Variants in FHAD1 observed in about 807,000 individuals in gnomAD.
The protein encoded by FHAD1 is forkhead associated phosphopeptide binding domain 1.
In FHAD1, 146 loss-of-function variants were observed where a neutral mutation model predicts 191.3. That is an observed-to-expected ratio of 0.76 (90% CI 0.67 to 0.88). The LOEUF (loss-of-function observed/expected upper bound fraction) is 0.88. Ranked by LOEUF, FHAD1 falls within the 40% of genes least tolerant of loss-of-function variation. The probability of loss-of-function intolerance (pLI) is 0.00; values close to 1 mark genes in which losing one functional copy is unlikely to be tolerated. For synonymous variants in FHAD1, 616 were observed against 672.3 expected, an observed-to-expected ratio of 0.92 and a Z score of 1.29; for missense variants, 1,635 against 1,785.8, an observed-to-expected ratio of 0.92 and a Z score of 1.52.
chr1:15,339,592 C>T (rs1239683419), intron 15 of FHAD1, 41 bp downstream of exon 15: 4 of 1,090,350 alleles, frequency 3.7e-6, no homozygotes, highest in Admixed American at 2.7e-5. Flanking sequence ...TTCATTTCGG[C>T]CCCTGGTTGG....
intron 3 of FHAD1, among the ~76,000 whole-genome samples, chr1:15,280,890 G>C (rs1465981403): frequency 6.6e-6 from 1 of 152,222 alleles, no homozygotes; most frequent in African/African-American, 2.4e-5. Flanking sequence ...AGATGGGCCA[G>C]AATGCACTTA....
intron 28 of FHAD1, among the ~76,000 whole-genome samples, chr1:15,379,854 G>T (rs1424921626): frequency 6.6e-6 from 1 of 152,182 alleles, no homozygotes; most frequent in Admixed American, 6.5e-5. Context: ...GGGGTTGGGG[G>T]TAAGGTCACA....
intron 5 of FHAD1, among the ~76,000 whole-genome samples, chr1:15,299,646 A>C (rs1333218697): frequency 2.0e-5 from 3 of 152,214 alleles, no homozygotes; most frequent in Non-Finnish European, 4.4e-5. Context: ...AGGAAGTCAC[A>C]GGGTCCCCAC....
intron 6 of FHAD1, chr1:15,305,628 G>A: frequency 4.4e-6 from 1 of 228,764 alleles, no homozygotes. Flanking sequence ...GGACCCAGCA[G>A]GAGGTAATTG....
intron 10 of FHAD1, among the ~76,000 whole-genome samples, chr1:15,322,979 AGGG>A (rs1306661803): frequency 1.3e-5 from 2 of 152,306 alleles, no homozygotes; most frequent in South Asian, 4.1e-4. Context: ...GGCGGTGGCA[AGGG>A]AAAAATAAGG....
chr1:15,393,649 C>A (rs1225155800), intron 33 of FHAD1, among the ~76,000 whole-genome samples: 1 of 151,072 alleles, frequency 6.6e-6, no homozygotes, highest in Non-Finnish European at 1.5e-5. Flanking sequence ...GTGGTCCAGG[C>A]TGTAGTGCAG....
rs1402295073 is a variant in FHAD1 at position 15,397,457 on chromosome 1, C to T, written c.*44C>T. 2.1e-6 allele frequency: 2 copies of T among 942,506 alleles called. No homozygotes were observed. Among genetic ancestry groups the T allele is most frequent in the Non-Finnish European group, 1.6e-6 (1 of 634,926 alleles). The allele number at this position is 942,506 out of a possible 1,614,324, so 58.4% of individuals were successfully genotyped here. ...GGCCTCATGTGATCCTCTGTGAGTT[C>T]ATGTGACTCTTCTGTGTCATCTGTG... On this transcript the variant is annotated 3_prime_UTR_variant, in exon 34 of 34. Coordinates refer to ENST00000688493, the MANE Select transcript of FHAD1 (RefSeq NM_001391957.1).
At chr1:15,273,571 A>C (rs1298308643) in intron 3 of FHAD1, among the ~76,000 whole-genome samples, 2 of 152,152 alleles carry the variant, frequency 1.3e-5, no homozygotes, top group East Asian at 3.8e-4. Context: ...TTAAGCGTAC[A>C]ATTCAACACA....
chr1:15,398,291 A>AAAT lies in FHAD1; in HGVS notation c.*880_*881insTAA, dbSNP rs1444198881. Among the ~76,000 whole-genome samples the AAAT allele has an allele frequency of 9.9e-4, 150 of 152,024 alleles. No individual in the cohort carries two copies. The highest frequency in any genetic ancestry group is 3.4e-3 in the African/African-American group (142 of 41,442). ...GACTCCATCTCAAAAAAAAAAAAAA[A>AAAT]AAATCTGTTTATTGTAATAAATTTA... On this transcript the variant is annotated 3_prime_UTR_variant, in exon 34 of 34. Transcript: ENST00000688493.
At chr1:15,294,750 C>T (rs1666358564) in intron 4 of FHAD1, among the ~76,000 whole-genome samples, 1 of 152,108 alleles carries the variant, frequency 6.6e-6, no homozygotes, top group Non-Finnish European at 1.5e-5. Context: ...ACTCGATGCT[C>T]TCAGCAGTTC....
intron 26 of FHAD1, among the ~76,000 whole-genome samples, chr1:15,370,825 C>A (rs1570364327): frequency 6.6e-6 from 1 of 152,176 alleles, no homozygotes; most frequent in East Asian, 1.9e-4. Flanking sequence ...GCTTTTTGAG[C>A]CTAGAGAGCA....
chr1:15,239,552 C>T (rs1482712462), intron 1 of FHAD1, among the ~76,000 whole-genome samples: 2 of 152,186 alleles, frequency 1.3e-5, no homozygotes, highest in African/African-American at 2.4e-5. Flanking sequence ...TGTGCCACTG[C>T]ACTTCAGCCT....
intron 21 of FHAD1, among the ~76,000 whole-genome samples, chr1:15,358,737 G>T (rs1419241445): frequency 1.3e-5 from 2 of 151,666 alleles, no homozygotes; most frequent in African/African-American, 4.9e-5. Flanking sequence ...TGTAGGCTCG[G>T]CATTCGAGGC....
Position 15,308,650 on chromosome 1 carries a change from G to GC in FHAD1, c.955dup (p.Gln319ProfsTer16), listed in dbSNP as rs1198232951. 2 of 1,551,632 alleles carry GC rather than the reference G, an allele frequency of 1.3e-6. No homozygotes were observed. Among genetic ancestry groups the GC allele is most frequent in the African/African-American group, 2.7e-5 (2 of 73,062 alleles). On this transcript the variant is annotated frameshift_variant, in exon 7 of 34. Coordinates refer to ENST00000688493, the MANE Select transcript of FHAD1 (RefSeq NM_001391957.1). LOFTEE classifies it high-confidence loss of function. ...CAGAAAGGCTACAGCAAGGTGCTGT[G>GC]CCAGACCCTGTCAGAGCGGAACTCA...
rs567421403 is a variant in FHAD1, at chr1:15,318,371, C to T, written c.1365+443C>T. Among the ~76,000 whole-genome samples, 7 of 152,218 alleles carry T rather than the reference C, an allele frequency of 4.6e-5. No individual in the cohort carries two copies. The highest frequency in any genetic ancestry group is 1.0e-4 in the Non-Finnish European group (7 of 68,032). ...CATTTAAATTAAAGCCGGTAGCTCA[C>T]GCCTGTAATCCCAGCATTTTGGGAG... On this transcript the variant is annotated intron_variant, in intron 10 of 33. Coordinates refer to ENST00000688493, the MANE Select transcript of FHAD1 (RefSeq NM_001391957.1). The surrounding 1 kb of genome is among the most constrained non-coding windows in gnomAD (Gnocchi z 4.1).
intron 3 of FHAD1, among the ~76,000 whole-genome samples, chr1:15,278,083 G>A (rs78692683): frequency 0.038 from 5,730 of 152,140 alleles, 289 homozygotes; most frequent in African/African-American, 0.11. Context: ...ACCAGAGGTC[G>A]GCAGACTACA....
chr1:15,367,633 CG>C lies in FHAD1; in HGVS notation c.3314+16del. On this transcript the variant is annotated intron_variant, in intron 25 of 33. Coordinates refer to ENST00000688493, the MANE Select transcript of FHAD1 (RefSeq NM_001391957.1). ...TGAGGAGGCACTCAGGTTGGGTGGG[CG>C]GGGGCCGGGTTGGGGGGATGGTTTG... is the stretch of plus-strand genomic sequence containing the variant. The C allele has an allele frequency of 3.7e-5, 5 of 136,438 alleles. No individual in the cohort carries two copies. The highest frequency in any genetic ancestry group is 1.3e-5 in the Non-Finnish European group (1 of 78,732). 8.5% of individuals were successfully genotyped at this position (136,438 alleles called of 1,614,324 possible). A position where few individuals can be genotyped will look rare whatever the true frequency, so the allele number is the denominator to read the frequency against.
At chr1:15,247,193 A>G (rs1780596), upstream of FHAD1, 47,811 of 145,834 alleles carry the variant, frequency 0.33, 8,292 homozygotes, top group Non-Finnish European at 0.44. Context: ...GCCCTCATCT[A>G]TTAGGCTGGA....
At chr1:15,250,385 G>A (rs780145756) in intron 1 of FHAD1, among the ~76,000 whole-genome samples, 1 of 152,188 alleles carries the variant, frequency 6.6e-6, no homozygotes, top group African/African-American at 2.4e-5. Context: ...ATGGACACAC[G>A]GATAGATGGA....
Sources: allele counts gnomAD v4.1 joint callset (sites outside exome capture counted in the v4.1 genomes callset), GRCh38; gene constraint gnomAD v4.1.1; non-coding constraint Gnocchi (gnomAD v3.1); transcripts MANE v1.5; gene names NCBI Gene and HGNC (gene_info 2026-07-23, HGNC 2026-07-21).